LY96: variants seen among roughly 807,000 people sequenced by gnomAD.
LY96 encodes lymphocyte antigen 96, also known as myeloid differentiation protein-2.
A neutral mutation model predicts 18.9 loss-of-function variants in LY96; 18 were observed. The ratio of observed to expected loss-of-function variants is 0.95; its 90% CI spans 0.66 to 1.41. LY96 has a LOEUF of 1.41. Among genes scored for constraint, LY96 ranks in the 40% most tolerant of loss-of-function variants. The probability of loss-of-function intolerance (pLI) is 0.00; values close to 1 mark genes in which losing one functional copy is unlikely to be tolerated. For synonymous variants in LY96, 66 were observed against 62.6 expected (o/e 1.06, Z -0.26); for missense variants, 175 against 182.4 (o/e 0.96, Z 0.23).
chr8:74,089,994 A>C, the LY96 span, among the ~76,000 whole-genome samples: 3 of 151,998 alleles, frequency 2.0e-5, no homozygotes. Context: ...AGAGGTGGAA[A>C]GGGGAGGCCA....
the LY96 span, among the ~76,000 whole-genome samples, chr8:74,039,694 G>A: frequency 3.9e-5 from 6 of 152,146 alleles, no homozygotes; most frequent in Admixed American, 1.3e-4. Flanking sequence ...GGCAGCATAC[G>A]TCAGCGTTTT....
intron 1 of LY96, among the ~76,000 whole-genome samples, chr8:74,001,605 A>C (rs2131258585): frequency 6.6e-6 from 1 of 152,080 alleles, no homozygotes; most frequent in Admixed American, 6.5e-5. Context: ...TAATGCCAGC[A>C]CTTTGGGATG....
chr8:74,059,682 A>C, the LY96 span, among the ~76,000 whole-genome samples: 1 of 152,258 alleles, frequency 6.6e-6, no homozygotes, highest in African/African-American at 2.4e-5. Context: ...AATGGATTAC[A>C]GGTCTAAATG....
At position 74,023,419 on chromosome 8, in the gene LY96, G is replaced by T. The variant is rs980360215; in HGVS notation, c.332-3370G>T. ...AGGTATTGCATGGAGGTTGCAGTGCGTTGAGAGTCACTGTTGAATAGCAGG... is the reference window on the plus strand; with the variant it reads ...AGGTATTGCATGGAGGTTGCAGTGCTTTGAGAGTCACTGTTGAATAGCAGG... On this transcript the variant is annotated intron_variant, in intron 3 of 4. Transcript: ENST00000284818. 4.6e-5 allele frequency among the ~76,000 whole-genome samples: 7 copies of T among 152,348 alleles called. No homozygotes were observed. In the South Asian group the frequency reaches 1.2e-3, roughly 27 times the overall value.
At chr8:74,051,567 C>G in the LY96 span, among the ~76,000 whole-genome samples, 87 of 152,232 alleles carry the variant, frequency 5.7e-4, no homozygotes, top group Non-Finnish European at 8.4e-4. Flanking sequence ...GTGGCTTCCC[C>G]AAAATTCCTG....
chr8:74,043,965 T>C, the LY96 span, among the ~76,000 whole-genome samples: 3 of 152,136 alleles, frequency 2.0e-5, no homozygotes, highest in East Asian at 1.9e-4. Flanking sequence ...CTCCAAGTAG[T>C]TGGGAGGTTG....
the LY96 span, among the ~76,000 whole-genome samples, chr8:74,057,699 C>T: frequency 6.6e-6 from 1 of 152,160 alleles, no homozygotes; most frequent in Non-Finnish European, 1.5e-5. Context: ...CTAAGGCTTC[C>T]TTTAGGTCAT....
chr8:74,065,552 C>A, the LY96 span, among the ~76,000 whole-genome samples: 1 of 152,154 alleles, frequency 6.6e-6, no homozygotes, highest in Non-Finnish European at 1.5e-5. Context: ...AAAGACTTAT[C>A]CTGTGGGCTT....
chr8:74,050,609 A>G, the LY96 span, among the ~76,000 whole-genome samples: 2 of 152,326 alleles, frequency 1.3e-5, no homozygotes, highest in South Asian at 4.1e-4. Flanking sequence ...TATTATTGTT[A>G]TTTTAACATT....
At chr8:74,052,151 T>C in the LY96 span, among the ~76,000 whole-genome samples, 2 of 152,046 alleles carry the variant, frequency 1.3e-5, no homozygotes, top group African/African-American at 2.4e-5. Flanking sequence ...TTTTTGTGGA[T>C]GGAAGGTTTT....
At chr8:74,093,664 G>T in the LY96 span, among the ~76,000 whole-genome samples, 1 of 152,150 alleles carries the variant, frequency 6.6e-6, no homozygotes, top group African/African-American at 2.4e-5. Context: ...CACCCAGAAT[G>T]GGGGAGATAA....
chr8:74,031,610 G>A (rs1464796145), downstream of LY96, among the ~76,000 whole-genome samples: 2 of 150,368 alleles, frequency 1.3e-5, no homozygotes. Flanking sequence ...ACTCCAGCCT[G>A]GGCGACAGAG....
chr8:74,089,266 T>C, the LY96 span, among the ~76,000 whole-genome samples: 1 of 152,234 alleles, frequency 6.6e-6, no homozygotes, highest in Non-Finnish European at 1.5e-5. Flanking sequence ...ACACATGTTT[T>C]ATTCCAAATC....
At chr8:74,083,943 T>C in the LY96 span, among the ~76,000 whole-genome samples, 1 of 151,958 alleles carries the variant, frequency 6.6e-6, no homozygotes, top group Non-Finnish European at 1.5e-5. Flanking sequence ...CACCTTGGCC[T>C]CCCAAAGTGC....
the LY96 span, among the ~76,000 whole-genome samples, chr8:74,081,117 CT>C: frequency 7.3e-6 from 1 of 137,824 alleles, no homozygotes; most frequent in Non-Finnish European, 1.5e-5. Flanking sequence ...TTCTTTCTTT[CT>C]TTCTTTCCTT....
the LY96 span, among the ~76,000 whole-genome samples, chr8:74,076,895 T>C: frequency 6.6e-6 from 1 of 152,184 alleles, no homozygotes; most frequent in East Asian, 1.9e-4. Context: ...AAGGGCTTGG[T>C]TCCTCAAGAC....
At chr8:73,995,165 C>T (rs557193347) in intron 1 of LY96, among the ~76,000 whole-genome samples, 2 of 152,302 alleles carry the variant, frequency 1.3e-5, no homozygotes, top group East Asian at 1.9e-4. Context: ...TCTGCTCTTC[C>T]ACCATGGGAT....
the LY96 span, among the ~76,000 whole-genome samples, chr8:74,052,909 G>C: frequency 3.3e-5 from 5 of 152,208 alleles, no homozygotes; most frequent in Admixed American, 2.6e-4. Context: ...AACCAATGCT[G>C]TCAGATCTTC....
At chr8:74,015,781 A>G (rs1816629510) in intron 3 of LY96, among the ~76,000 whole-genome samples, 2 of 152,144 alleles carry the variant, frequency 1.3e-5, no homozygotes, top group Admixed American at 1.3e-4. Context: ...AGAGGAGAGG[A>G]GAGCCTAAGA....
Sources: gnomAD v4.1 joint callset for allele counts (sites outside exome capture counted in the v4.1 genomes callset) on GRCh38, gnomAD v4.1.1 for gene constraint, MANE v1.5 for transcripts, NCBI Gene and HGNC (gene_info 2026-07-23, HGNC 2026-07-21) for gene names.